Variants in MGA observed in about 807,000 individuals in gnomAD.
MGA encodes MAX dimerization protein MGA.
MGA carries 40 observed loss-of-function variants against 261.1 expected under a neutral mutation model. That is an observed-to-expected ratio of 0.15 (90% CI 0.12 to 0.20). The LOEUF is 0.20. Ranked by LOEUF, MGA falls within the 10% of genes least tolerant of loss-of-function variation. MGA has a pLI of 1.00. For synonymous variants in MGA, 1,302 were observed against 1,290.6 expected (o/e 1.01, Z -0.19); for missense variants, 3,397 against 3,630.5 (o/e 0.94, Z 1.65).
chr15:41,658,288 C>T (rs1328383081), upstream of MGA, among the ~76,000 whole-genome samples: 1 of 152,180 alleles, frequency 6.6e-6, no homozygotes, highest in African/African-American at 2.4e-5. Context: ...AGGAGCATCA[C>T]TTTAGCAGTT....
rs748832159 is a variant in MGA, at chr15:41,696,371, C to G, written c.1361C>G (p.Ala454Gly). The G allele has an allele frequency of 1.9e-6, 3 of 1,613,966 alleles. No individual in the cohort carries two copies. Among genetic ancestry groups the G allele is most frequent in the Non-Finnish European group, 2.5e-6 (3 of 1,179,894 alleles). Residue 454 changes from alanine (A) to glycine (G), a missense_variant, in exon 3 of 24, where the codon GCT becomes GGT. Transcript: ENST00000219905. ...CTTCCAAGCAGCCCATCAGGTGTTG[C>G]TAAAGCTAAAATGTTCAAATTAGAC...
At position 41,766,568 on chromosome 15, in the gene MGA, A is replaced by C; in HGVS notation, c.8486A>C (p.Glu2829Ala). The stretch of plus-strand genomic sequence containing the variant: ...GAGACACTGACTTCACTGCTCAATG[A>C]AATTGCCTTTCTTAATCAACAACTA... Residue 2829 changes from glutamate to alanine, a missense_variant, in exon 24 of 24, where the codon GAA becomes GCA. Transcript: ENST00000219905. The C allele has an allele frequency of 1.2e-6, 2 of 1,613,956 alleles. No individual in the cohort carries two copies. Among genetic ancestry groups the C allele is most frequent in the Non-Finnish European group, 1.7e-6 (2 of 1,179,842 alleles).
intron 1 of MGA, among the ~76,000 whole-genome samples, chr15:41,624,516 G>A (rs531415655): frequency 3.9e-5 from 6 of 152,232 alleles, no homozygotes; most frequent in East Asian, 3.9e-4. Flanking sequence ...TGTATTTTTA[G>A]TAGAGACGGG....
At chr15:41,646,865 C>T (rs1289095862) in intron 1 of MGA, among the ~76,000 whole-genome samples, 4 of 152,076 alleles carry the variant, frequency 2.6e-5, no homozygotes, top group Non-Finnish European at 5.9e-5. Context: ...TATGTGTACA[C>T]TGGTTAGCAA....
chr15:41,717,014 C>T (rs557653843), intron 9 of MGA, among the ~76,000 whole-genome samples: 1 of 152,256 alleles, frequency 6.6e-6, no homozygotes, highest in Admixed American at 6.5e-5. Context: ...TTTAAACCTT[C>T]AACCTTATAT....
chr15:41,656,331 TCC>T (rs1348163917), upstream of MGA, among the ~76,000 whole-genome samples: 23 of 111,470 alleles, frequency 2.1e-4, no homozygotes, highest in Non-Finnish European at 3.4e-4. Context: ...TTTCTCTCTC[TCC>T]CTCTCCTCTC....
intron 9 of MGA, among the ~76,000 whole-genome samples, chr15:41,713,822 A>G (rs1294410078): frequency 6.6e-6 from 1 of 152,326 alleles, no homozygotes; most frequent in South Asian, 2.1e-4. Flanking sequence ...AGGTAGACAC[A>G]CGTACGTTCC....
chr15:41,687,779 A>T (rs1210570225), intron 2 of MGA, among the ~76,000 whole-genome samples: 3 of 152,078 alleles, frequency 2.0e-5, no homozygotes, highest in African/African-American at 7.2e-5. Flanking sequence ...CTTGAAAAGG[A>T]TGTGTGTATT....
intron 2 of MGA, among the ~76,000 whole-genome samples, chr15:41,687,045 T>A (rs1371484271): frequency 6.6e-6 from 1 of 152,188 alleles, no homozygotes; most frequent in East Asian, 1.9e-4. Flanking sequence ...TTTTTTTCAT[T>A]ATGTATTTGA....
chr15:41,759,040 G>GA (rs1194308704), intron 19 of MGA, among the ~76,000 whole-genome samples: 2 of 152,166 alleles, frequency 1.3e-5, no homozygotes, highest in Non-Finnish European at 2.9e-5. Flanking sequence ...GGAGGTGAGA[G>GA]AGGGAAGAAG....
rs761641441 is a variant in MGA, at chr15:41,711,344, G to T, written c.3079G>T (p.Ala1027Ser). The change falls in exon 8 of 24, where the codon GCT (alanine) becomes TCT (serine). Residue 1027 changes from alanine (A) to serine (S), a missense_variant. This residue lies in a region of MGA where 519 missense variants were observed against 554.1 expected (regional missense o/e 0.94). Coordinates refer to ENST00000219905, the MANE Select transcript of MGA (RefSeq NM_001164273.2). ...TGTATCCTTAACAACTCTACTTACAGCTCAAGTAAGTAGCTGCTGTTTTCT... is the reference window on the plus strand; with the variant it reads ...TGTATCCTTAACAACTCTACTTACATCTCAAGTAAGTAGCTGCTGTTTTCT... 6.3e-7 allele frequency: 1 copy of T among 1,591,484 alleles called. No homozygotes were observed. The highest frequency in any genetic ancestry group is 8.5e-7 in the Non-Finnish European group (1 of 1,169,656).
chr15:41,760,868 T>C (rs529068992), intron 20 of MGA, among the ~76,000 whole-genome samples: 3 of 152,172 alleles, frequency 2.0e-5, no homozygotes, highest in Non-Finnish European at 4.4e-5. Context: ...TCCTGAGTAG[T>C]TGGGATTTCA....
chr15:41,689,242 G>A (rs909622062), intron 2 of MGA, among the ~76,000 whole-genome samples: 5 of 151,630 alleles, frequency 3.3e-5, no homozygotes, highest in African/African-American at 1.2e-4. Flanking sequence ...AGTAGTTGGT[G>A]TGTACCCTCT....
At chr15:41,639,926 G>T (rs752475656) in intron 1 of MGA, among the ~76,000 whole-genome samples, 1 of 152,158 alleles carries the variant, frequency 6.6e-6, no homozygotes, top group Non-Finnish European at 1.5e-5. Flanking sequence ...GGCATTGTTG[G>T]TAGAGCTTTT....
intron 13 of MGA, among the ~76,000 whole-genome samples, chr15:41,739,330 A>G (rs1398109771): frequency 6.6e-6 from 1 of 152,208 alleles, no homozygotes; most frequent in Non-Finnish European, 1.5e-5. Flanking sequence ...TATCCAAGAG[A>G]TGAAAATAGT....
chr15:41,719,883 C>A (rs146449151), intron 9 of MGA, among the ~76,000 whole-genome samples: 1 of 151,834 alleles, frequency 6.6e-6, no homozygotes, highest in Non-Finnish European at 1.5e-5. Context: ...TGCTGTATAA[C>A]GGATTAAATG....
chr15:41,735,417 G>T (rs1482708720), intron 12 of MGA, among the ~76,000 whole-genome samples: 1 of 152,152 alleles, frequency 6.6e-6, no homozygotes, highest in African/African-American at 2.4e-5. Context: ...ATTTGCAGTA[G>T]AAATTAGAGT....
intron 5 of MGA, 116 bp downstream of exon 5, chr15:41,699,275 T>C (rs1365485480): frequency 1.5e-6 from 1 of 685,678 alleles, no homozygotes; most frequent in Non-Finnish European, 2.4e-6. Context: ...CCTCTTTCTT[T>C]CTAGCCTTGA....
chr15:41,669,441 A>G lies in MGA; in HGVS notation c.547A>G (p.Asn183Asp). Residue 183 changes from asparagine to aspartate, a missense_variant, in exon 2 of 24, where the codon AAC (asparagine) becomes GAC (aspartate). This residue lies in a region of MGA where 104 missense variants were observed against 212.9 expected (regional missense o/e 0.49). Transcript: ENST00000219905. ...ATCTTTCTATAAACTCAAACTTACC[A>G]ACAATACACTGGACCAAGAAGGGCA... The G allele has an allele frequency of 6.2e-7, 1 of 1,613,970 alleles. No individual in the cohort carries two copies. The highest frequency in any genetic ancestry group is 8.5e-7 in the Non-Finnish European group (1 of 1,179,894).
Sources: gnomAD v4.1 joint callset for allele counts (sites outside exome capture counted in the v4.1 genomes callset) on GRCh38, gnomAD v4.1.1 for gene constraint, gnomAD v4.1.1 regional missense constraint, MANE v1.5 for transcripts, NCBI Gene and HGNC (gene_info 2026-07-23, HGNC 2026-07-21) for gene names.